The following GPD2 variants were observed in gnomAD, a reference collection of about 807,000 sequenced individuals.
The protein encoded by GPD2 is glycerol-3-phosphate dehydrogenase 2, also known as glycerol-3-phosphate dehydrogenase, mitochondrial.
Under a neutral mutation model 82.4 loss-of-function variants are expected in GPD2, and 54 were observed. The ratio of observed to expected loss-of-function variants is 0.66; its 90% CI spans 0.53 to 0.82. The LOEUF is 0.82. Among genes scored for constraint, GPD2 ranks in the 40% least tolerant of loss-of-function variants. GPD2 has a pLI of 0.00. For missense variants in GPD2, 748 were observed against 896.2 expected (o/e 0.83, Z 2.11); for synonymous variants, 288 against 306.1 (o/e 0.94, Z 0.62).
chr2:156,426,132 C>CA, the GPD2 span, among the ~76,000 whole-genome samples: 5 of 151,910 alleles, frequency 3.3e-5, no homozygotes, highest in Admixed American at 6.5e-5. Flanking sequence ...ACCGTTTTAG[C>CA]CGGGATAGTC....
intron 1 of GPD2, among the ~76,000 whole-genome samples, chr2:156,469,731 G>C (rs1183453419): frequency 2.0e-5 from 3 of 152,202 alleles, no homozygotes; most frequent in African/African-American, 7.2e-5. Flanking sequence ...CATTGGTCAT[G>C]CTTGTAAGGG....
intron 6 of GPD2, among the ~76,000 whole-genome samples, chr2:156,543,017 A>G (rs892611863): frequency 6.6e-6 from 1 of 152,168 alleles, no homozygotes; most frequent in Non-Finnish European, 1.5e-5. Flanking sequence ...TGTACCCCCA[A>G]AAATATTTGT....
intron 1 of GPD2, among the ~76,000 whole-genome samples, chr2:156,474,444 A>C (rs2105198559): frequency 6.6e-6 from 1 of 152,122 alleles, no homozygotes; most frequent in East Asian, 1.9e-4. Context: ...TGTTTTCTTG[A>C]GTTGTGAGCT....
At chr2:156,499,950 C>G (rs1035642844) in intron 3 of GPD2, among the ~76,000 whole-genome samples, 1 of 151,828 alleles carries the variant, frequency 6.6e-6, no homozygotes, top group African/African-American at 2.4e-5. Flanking sequence ...AACAAATAAA[C>G]TTTTTCTTCT....
At chr2:156,569,310 T>C (rs1687517204) in intron 10 of GPD2, 53 bp from the exon 11 acceptor site, 6 of 1,199,836 alleles carry the variant, frequency 5.0e-6, no homozygotes, top group Admixed American at 1.7e-5. Flanking sequence ...TGGTTAATTA[T>C]AAGAAAAATA....
chr2:156,519,913 GGA>G (rs1402248799), intron 6 of GPD2, among the ~76,000 whole-genome samples: 2 of 152,242 alleles, frequency 1.3e-5, no homozygotes, highest in African/African-American at 4.8e-5. Context: ...GCAGCTCAGT[GGA>G]GAGTCAGGGT....
At chr2:156,475,124 A>C (rs1329414620) in intron 1 of GPD2, among the ~76,000 whole-genome samples, 1 of 152,098 alleles carries the variant, frequency 6.6e-6, no homozygotes, top group Non-Finnish European at 1.5e-5. Context: ...AAAAGAGAGA[A>C]AGAAAAAAAT....
At chr2:156,402,312 C>T in the GPD2 span, among the ~76,000 whole-genome samples, 1 of 152,114 alleles carries the variant, frequency 6.6e-6, no homozygotes, top group Non-Finnish European at 1.5e-5. Context: ...AATGACTTCT[C>T]CATTAAGATT....
intron 1 of GPD2, among the ~76,000 whole-genome samples, chr2:156,439,522 A>C (rs1558898739): frequency 3.2e-5 from 3 of 92,770 alleles, no homozygotes; most frequent in African/African-American, 1.2e-4. Flanking sequence ...AGAAAAAAAA[A>C]AAAAAAAAAA....
intron 6 of GPD2, among the ~76,000 whole-genome samples, chr2:156,538,818 C>T (rs1686185712): frequency 3.5e-5 from 1 of 28,746 alleles, no homozygotes; most frequent in African/African-American, 1.3e-4. Context: ...AAGACTGCAT[C>T]TCAAAAAAAA....
intron 12 of GPD2, 142 bp downstream of exon 12, chr2:156,570,360 A>G: frequency 2.9e-6 from 2 of 689,928 alleles, no homozygotes; most frequent in Non-Finnish European, 5.1e-6. Context: ...TCTTTCCAAT[A>G]TAGATCCTTT....
chr2:156,426,938 C>T, the GPD2 span, among the ~76,000 whole-genome samples: 1 of 152,194 alleles, frequency 6.6e-6, no homozygotes, highest in East Asian at 1.9e-4. Context: ...TGGAATATGA[C>T]ATGCAGGTGA....
At chr2:156,575,597 G>A (rs1354986576) in intron 13 of GPD2, among the ~76,000 whole-genome samples, 1 of 151,314 alleles carries the variant, frequency 6.6e-6, no homozygotes, top group East Asian at 1.9e-4. Context: ...GTGGAGACAG[G>A]GTTTTGCCAT....
At chr2:156,479,669 G>A (rs973734802) in intron 2 of GPD2, among the ~76,000 whole-genome samples, 2 of 152,144 alleles carry the variant, frequency 1.3e-5, no homozygotes, top group South Asian at 4.2e-4. Flanking sequence ...ATGAGGAAAG[G>A]AGATGAAGGT....
intron 1 of GPD2, among the ~76,000 whole-genome samples, chr2:156,471,642 T>A (rs1465741137): frequency 6.6e-6 from 1 of 152,228 alleles, no homozygotes; most frequent in Admixed American, 6.5e-5. Flanking sequence ...TTTTTTCCCC[T>A]TCAAGACCCT....
rs576100183 is a variant in GPD2, at chr2:156,573,295, C to T, written c.1767+2003C>T. Among the ~76,000 whole-genome samples, 16 of 152,250 alleles carry T rather than the reference C, an allele frequency of 1.1e-4. 1 individual carries two copies. The South Asian group carries it at 3.3e-3, about 32-fold the overall frequency. ...GTCAATTGTAAAGCAGGGATTGAAA[C>T]CAGGTATTCTGATCCTAGAGCATAA... On this transcript the variant is annotated intron_variant, in intron 13 of 16. Coordinates refer to ENST00000438166, the MANE Select transcript of GPD2 (RefSeq NM_000408.5).
chr2:156,412,026 A>G, the GPD2 span, among the ~76,000 whole-genome samples: 2 of 152,224 alleles, frequency 1.3e-5, no homozygotes, highest in Admixed American at 6.5e-5. Context: ...CACTGAAACC[A>G]TGCAAAGCTT....
chr2:156,438,556 G>A (rs1682031649), intron 1 of GPD2, among the ~76,000 whole-genome samples: 1 of 152,116 alleles, frequency 6.6e-6, no homozygotes, highest in Admixed American at 6.5e-5. Flanking sequence ...GAGAAGGGAA[G>A]CAATTTTCAG....
chr2:156,567,747 C>G (rs1687443486), intron 9 of GPD2, among the ~76,000 whole-genome samples: 1 of 152,200 alleles, frequency 6.6e-6, no homozygotes, highest in Admixed American at 6.5e-5. Context: ...AAATTCTGCC[C>G]TAGGGTCTTG....
Sources: gnomAD v4.1 joint callset for allele counts (sites outside exome capture counted in the v4.1 genomes callset) on GRCh38, gnomAD v4.1.1 for gene constraint, MANE v1.5 for transcripts, NCBI Gene and HGNC (gene_info 2026-07-23, HGNC 2026-07-21) for gene names.